Variants in MS4A1 observed in about 807,000 individuals in gnomAD.
The protein encoded by MS4A1 is B-lymphocyte antigen CD20.
MS4A1 carries 16 observed loss-of-function variants against 26.5 expected under a neutral mutation model. That is an observed-to-expected ratio of 0.60 (90% CI 0.41 to 0.92). The LOEUF (loss-of-function observed/expected upper bound fraction) is 0.92, where lower values mean the gene tolerates loss of function less well. Ranked by LOEUF, MS4A1 falls within the 40% of genes least tolerant of loss-of-function variation. MS4A1 has a pLI of 0.00. For synonymous variants in MS4A1, 128 were observed against 117.6 expected (o/e 1.09, Z -0.57); for missense variants, 350 against 353.0 (o/e 0.99, Z 0.07).
chr11:60,468,184 T>C (rs977443508), intron 7 of MS4A1, 66 bp from the exon 8 acceptor site: 2 of 1,269,472 alleles, frequency 1.6e-6, no homozygotes, highest in Admixed American at 2.0e-5. Flanking sequence ...TAAATGTTTG[T>C]GGAGATTGTT....
At position 60,466,086 on chromosome 11, in the gene MS4A1, G is replaced by A. The variant is rs763212419; in HGVS notation, c.502G>A (p.Glu168Lys). Residue 168 changes from glutamate to lysine, a missense_variant, in exon 6 of 8, where the codon GAA becomes AAA. By Grantham distance (56) the Glu-to-Lys change is moderately conservative. Transcript: ENST00000345732. ...ACCATATATTAACATATACAACTGT[G>A]AACCAGCTAATCCCTCTGAGAAAAA... ...HTPYINIYNC[E>K]PANPSEKNSP... The A allele has an allele frequency of 6.2e-7, 1 of 1,613,990 alleles. No individual in the cohort carries two copies. The highest frequency in any genetic ancestry group is 8.5e-7 in the Non-Finnish European group (1 of 1,179,898).
chr11:60,466,711 G>T, intron 6 of MS4A1: 1 of 508,938 alleles, frequency 2.0e-6, no homozygotes, highest in African/African-American at 1.9e-5. Flanking sequence ...TTCTTCAACT[G>T]ATTATTCATA....
intron 1 of MS4A1, among the ~76,000 whole-genome samples, chr11:60,457,812 G>A (rs1590841928): frequency 6.6e-6 from 1 of 152,280 alleles, no homozygotes; most frequent in South Asian, 2.1e-4. Context: ...GTGGAGAGGA[G>A]GTGGGGGAAG....
In MS4A1 at chr11:60,466,176, T is replaced by C; in HGVS notation, c.573+19T>C. 2.6e-6 allele frequency: 4 copies of C among 1,565,736 alleles called. No homozygotes were observed. The highest frequency in any genetic ancestry group is 3.5e-6 in the Non-Finnish European group (4 of 1,136,200). ...GTTCTTGGTAAGTGTTCTTGGTAAG[T>C]GTGAGATTGGATTTCTCTCCAGGGA... is the stretch of plus-strand genomic sequence containing the variant. On this transcript the variant is annotated intron_variant, in intron 6 of 7. Coordinates refer to ENST00000345732, the MANE Select transcript of MS4A1 (RefSeq NM_152866.3).
chr11:60,467,148 T>G (rs1486240641), intron 7 of MS4A1, 88 bp downstream of exon 7: 2 of 1,146,108 alleles, frequency 1.7e-6, no homozygotes, highest in Non-Finnish European at 1.3e-6. Context: ...TCTGATGAGT[T>G]GTTGAAACTA....
intron 1 of MS4A1, among the ~76,000 whole-genome samples, chr11:60,457,339 T>C (rs776561563): frequency 6.6e-6 from 1 of 151,950 alleles, no homozygotes; most frequent in Non-Finnish European, 1.5e-5. Flanking sequence ...AGGGGTTAGA[T>C]GAAGGGTTTC....
chr11:60,464,998 A>T (rs534317004), intron 5 of MS4A1, among the ~76,000 whole-genome samples: 1 of 152,344 alleles, frequency 6.6e-6, no homozygotes, highest in African/African-American at 2.4e-5. Flanking sequence ...CAACACTGTT[A>T]CTAAACTGTG....
rs370620216 is a variant in MS4A1, at chr11:60,463,045, G to A, written c.203G>A (p.Gly68Asp). Residue 68 changes from glycine to aspartate, a missense_variant, in exon 4 of 8, where the codon GGT becomes GAT. Transcript: ENST00000345732. ...MNGLFHIALG[G>D]LLMIPAGIYA... ...GGGCTCTTCCACATTGCCCTGGGGG[G>A]TCTTCTGATGATCCCAGCAGGGATC... 3.1e-6 allele frequency: 5 copies of A among 1,613,998 alleles called. No homozygotes were observed. The highest frequency in any genetic ancestry group is 4.2e-6 in the Non-Finnish European group (5 of 1,180,024).
Position 60,468,669 on chromosome 11 carries a change from C to T in MS4A1, c.*201C>T. Reference sequence around the variant, plus strand: ...CATTGTAGCAGCTTGTGTTGTCACGCTTCTTCTTTTGAGCAACTTTCTTAC... The same window carrying T: ...CATTGTAGCAGCTTGTGTTGTCACGTTTCTTCTTTTGAGCAACTTTCTTAC... On this transcript the variant is annotated 3_prime_UTR_variant, in exon 8 of 8. Transcript: ENST00000345732. 2 of 605,494 alleles carry T rather than the reference C, an allele frequency of 3.3e-6. No homozygotes were observed. The highest frequency in any genetic ancestry group is 5.8e-6 in the Non-Finnish European group (2 of 344,534). The allele number at this position is 605,494 out of a possible 1,614,324, so 37.5% of individuals were successfully genotyped here.
chr11:60,461,788 T>C (rs1590844120), intron 2 of MS4A1, among the ~76,000 whole-genome samples: 2 of 151,674 alleles, frequency 1.3e-5, no homozygotes, highest in South Asian at 4.2e-4. Flanking sequence ...CCAAAGTGCT[T>C]GGATTACAGG....
At chr11:60,456,221 C>T (rs1474572599) in intron 1 of MS4A1, among the ~76,000 whole-genome samples, 1 of 152,162 alleles carries the variant, frequency 6.6e-6, no homozygotes, top group Non-Finnish European at 1.5e-5. Context: ...ATCATGGTTT[C>T]TAAACCATTG....
rs200316461 is a variant in MS4A1 at position 60,469,806 on chromosome 11, T to G, written c.*1338T>G. On this transcript the variant is annotated 3_prime_UTR_variant, in exon 8 of 8. Transcript: ENST00000345732. ...CTAGTACCTTACCTAGAAATAATGT[T>G]AACCTAGGGTGAAGTCACTATAATC... is the stretch of plus-strand genomic sequence containing the variant. 6.6e-6 allele frequency: 1 copy of G among 152,104 alleles called. No individual in the cohort carries two copies. Among genetic ancestry groups the G allele is most frequent in the Non-Finnish European group, 1.5e-5 (1 of 67,966 alleles). 9.4% of individuals were successfully genotyped at this position (152,104 alleles called of 1,614,324 possible). A position where few individuals can be genotyped will look rare whatever the true frequency, so the allele number is the denominator to read the frequency against.
chr11:60,457,541 C>G (rs2135191323), intron 1 of MS4A1, among the ~76,000 whole-genome samples: 1 of 152,206 alleles, frequency 6.6e-6, no homozygotes, highest in African/African-American at 2.4e-5. Context: ...GACCCACATG[C>G]AAAATGTATT....
Position 60,462,431 on chromosome 11 carries a change from C to T in MS4A1, c.57C>T (p.Gly19=), listed in dbSNP as rs200040848. ...NGTFPAEPMK[G]PIAMQSGPKP... The stretch of plus-strand genomic sequence containing the variant: ...CTTTCCCGGCAGAGCCAATGAAAGG[C>T]CCTATTGCTATGCAATCTGGTCCAA... Residue 19 remains glycine (G), a synonymous_variant, in exon 3 of 8, where the codon GGC becomes GGT. Coordinates refer to ENST00000345732, the MANE Select transcript of MS4A1 (RefSeq NM_152866.3). 1.2e-5 allele frequency: 19 copies of T among 1,614,184 alleles called. No individual in the cohort carries two copies. The highest frequency in any genetic ancestry group is 1.6e-5 in the Non-Finnish European group (19 of 1,180,024).
intron 1 of MS4A1, among the ~76,000 whole-genome samples, chr11:60,458,998 C>G (rs1273844914): frequency 6.6e-6 from 1 of 152,120 alleles, no homozygotes; most frequent in Non-Finnish European, 1.5e-5. Flanking sequence ...ACACACAGCC[C>G]TCATGGTCAT....
intron 1 of MS4A1, among the ~76,000 whole-genome samples, chr11:60,458,562 A>G (rs1215452901): frequency 6.6e-6 from 1 of 152,212 alleles, no homozygotes; most frequent in Non-Finnish European, 1.5e-5. Flanking sequence ...TATTGTTATC[A>G]TATTGCGGCT....
chr11:60,460,628 G>C (rs1166632286), intron 1 of MS4A1, among the ~76,000 whole-genome samples: 1 of 152,206 alleles, frequency 6.6e-6, no homozygotes, highest in Non-Finnish European at 1.5e-5. Context: ...CAAGAGCAAA[G>C]ATGTGTCCCC....
At chr11:60,460,725 A>G (rs879453112) in intron 1 of MS4A1, among the ~76,000 whole-genome samples, 6 of 152,158 alleles carry the variant, frequency 3.9e-5, no homozygotes, top group Non-Finnish European at 5.9e-5. Context: ...AGGAAACCCA[A>G]GATGAAGATT....
rs757004270 is a variant in MS4A1 at position 60,466,060 on chromosome 11, C to T, written c.476C>T (p.Thr159Ile). 3 of 1,613,892 alleles carry T rather than the reference C, an allele frequency of 1.9e-6. No homozygotes were observed. Among genetic ancestry groups the T allele is most frequent in the Non-Finnish European group, 1.7e-6 (2 of 1,179,802 alleles). ...AGTCTGAATTTTATTAGAGCTCACA[C>T]ACCATATATTAACATATACAACTGT... ...MESLNFIRAH[T>I]PYINIYNCEP... The change falls in exon 6 of 8, where the codon ACA (threonine) becomes ATA (isoleucine). Residue 159 changes from threonine (T) to isoleucine (I), a missense_variant. Physicochemically the swap from Thr to Ile is moderately conservative, Grantham distance 89 (BLOSUM62 -1). Coordinates refer to ENST00000345732, the MANE Select transcript of MS4A1 (RefSeq NM_152866.3).
Sources: allele counts gnomAD v4.1 joint callset (sites outside exome capture counted in the v4.1 genomes callset), GRCh38; gene constraint gnomAD v4.1.1; transcripts MANE v1.5; gene names NCBI Gene and HGNC (gene_info 2026-07-23, HGNC 2026-07-21).